Variants in SFT2D2 observed in about 807,000 individuals in gnomAD.
SFT2D2 encodes the protein SFT2 domain containing 2, also known as vesicle transport protein SFT2B.
SFT2D2 carries 21 observed loss-of-function variants against 27.4 expected under a neutral mutation model. The ratio of observed to expected loss-of-function variants is 0.77; its 90% CI spans 0.54 to 1.10. SFT2D2 has a LOEUF of 1.10. Ranked by LOEUF, SFT2D2 falls within the 50% of genes least tolerant of loss-of-function variation. The pLI is 0.00. For missense variants in SFT2D2, 187 were observed against 194.2 expected (o/e 0.96, Z 0.22); for synonymous variants, 72 against 71.7 (o/e 1.00, Z -0.02).
chr1:168,236,533 T>C, intron 4 of SFT2D2, 56 bp from the exon 5 acceptor site: 2 of 1,423,154 alleles, frequency 1.4e-6, no homozygotes, highest in Admixed American at 2.0e-5. Flanking sequence ...AAGTTTTGAG[T>C]TTTTTTTTTC....
rs1169844653 is a variant in SFT2D2, at chr1:168,235,094, C to T, written c.237-7C>T. ...GAACGGCTTGTGTGCGTGTGTTTGC[C>T]TTTTAGTACCATCTTCCTCATGGGA... is the stretch of plus-strand genomic sequence containing the variant. On this transcript the variant is annotated splice_region_variant and splice_polypyrimidine_tract_variant and intron_variant, in intron 3 of 7. Transcript: ENST00000271375. 2 of 1,613,846 alleles carry T rather than the reference C, an allele frequency of 1.2e-6. No homozygotes were observed. Among genetic ancestry groups the T allele is most frequent in the Non-Finnish European group, 1.7e-6 (2 of 1,179,978 alleles).
Position 168,246,026 on chromosome 1 carries a change from G to A in SFT2D2, c.*3486G>A. On this transcript the variant is annotated 3_prime_UTR_variant, in exon 8 of 8. Coordinates refer to ENST00000271375, the MANE Select transcript of SFT2D2 (RefSeq NM_199344.3). ...ACATCTCACTTTCTCAATGGACGCA[G>A]TGACGCAATGAAGCATCCAGCAAAG... The A allele has an allele frequency of 4.7e-6, 1 of 214,550 alleles. No homozygotes were observed. Among genetic ancestry groups the A allele is most frequent in the South Asian group, 6.6e-5 (1 of 15,166 alleles). The allele number at this position is 214,550 out of a possible 1,614,324, so 13.3% of individuals were successfully genotyped here.
rs1286924809 is a variant in SFT2D2 at position 168,231,840 on chromosome 1, G to A, written c.157G>A (p.Val53Ile). The A allele has an allele frequency of 1.2e-6, 2 of 1,614,118 alleles. No individual in the cohort carries two copies. The highest frequency in any genetic ancestry group is 1.1e-5 in the South Asian group (1 of 91,078). ...ACTGTACTTTAAATTCCAGGGTACTGTTCTGCTGTGGGTGCCCAGGAAGGG... is the reference window on the plus strand; with the variant it reads ...ACTGTACTTTAAATTCCAGGGTACTATTCTGCTGTGGGTGCCCAGGAAGGG... Reference protein sequence around the residue: ...IGILCSLLGTVLLWVPRKGLH... With the variant: ...IGILCSLLGTILLWVPRKGLH... The change falls in exon 3 of 8, where the codon GTT becomes ATT. Residue 53 changes from valine to isoleucine, a missense_variant. Val to Ile is a conservative substitution (Grantham distance 29). Coordinates refer to ENST00000271375, the MANE Select transcript of SFT2D2 (RefSeq NM_199344.3).
At chr1:168,235,078 G>A (rs778845776) in intron 3 of SFT2D2, 23 bp from the exon 4 acceptor site, 5 of 1,610,194 alleles carry the variant, frequency 3.1e-6, no homozygotes, top group Non-Finnish European at 3.4e-6. Context: ...TGAACGGCTT[G>A]TGTGCGTGTG....
In SFT2D2 at chr1:168,246,375, C is replaced by T. The variant is rs1028684792; in HGVS notation, c.*3835C>T. On this transcript the variant is annotated 3_prime_UTR_variant, in exon 8 of 8. Transcript: ENST00000271375. ...ACATAATCTTACTTGCTTTTCTGTG[C>T]ATTTTTCTACTTTATCTTGGCCACT... 36 of 584,796 alleles carry T rather than the reference C, an allele frequency of 6.2e-5. No homozygotes were observed. Among genetic ancestry groups the T allele is most frequent in the Non-Finnish European group, 9.5e-5 (34 of 359,434 alleles). The allele number at this position is 584,796 out of a possible 1,614,324, so 36.2% of individuals were successfully genotyped here.
At chr1:168,233,529 A>G (rs1647385515) in intron 3 of SFT2D2, among the ~76,000 whole-genome samples, 1 of 152,210 alleles carries the variant, frequency 6.6e-6, no homozygotes, top group African/African-American at 2.4e-5. Flanking sequence ...GATTGATTGC[A>G]TGATTCTGGC....
Position 168,250,759 on chromosome 1 carries a change from A to C in SFT2D2, c.*8219A>C, listed in dbSNP as rs1483024266. 6.6e-6 allele frequency: 1 copy of C among 152,220 alleles called. No individual in the cohort carries two copies. Among genetic ancestry groups the C allele is most frequent in the Non-Finnish European group, 1.5e-5 (1 of 68,078 alleles). The allele number at this position is 152,220 out of a possible 1,614,324, so 9.4% of individuals were successfully genotyped here. A position where few individuals can be genotyped will look rare whatever the true frequency, so the allele number is the denominator to read the frequency against. ...GCATCCCCTTTTGCAGAAAGGGCTCAAACGGAGCCTTCAGTTCTGCTCCTC... is the reference window on the plus strand; with the variant it reads ...GCATCCCCTTTTGCAGAAAGGGCTCCAACGGAGCCTTCAGTTCTGCTCCTC... On this transcript the variant is annotated 3_prime_UTR_variant, in exon 8 of 8. Coordinates refer to ENST00000271375, the MANE Select transcript of SFT2D2 (RefSeq NM_199344.3).
At chr1:168,229,856 C>CATG (rs1487483293) in intron 1 of SFT2D2, 3 of 152,244 alleles carry the variant, frequency 2.0e-5, no homozygotes, top group Non-Finnish European at 1.5e-5. Flanking sequence ...AGAGCATCAT[C>CATG]ACATGGCTCA....
At position 168,248,377 on chromosome 1, in the gene SFT2D2, A is replaced by G. The variant is rs961337575; in HGVS notation, c.*5837A>G. The G allele has an allele frequency of 2.0e-5, 3 of 152,248 alleles. No individual in the cohort carries two copies. Among genetic ancestry groups the G allele is most frequent in the African/African-American group, 7.2e-5 (3 of 41,450 alleles). The allele number at this position is 152,248 out of a possible 1,614,324, so 9.4% of individuals were successfully genotyped here. On this transcript the variant is annotated 3_prime_UTR_variant, in exon 8 of 8. Coordinates refer to ENST00000271375, the MANE Select transcript of SFT2D2 (RefSeq NM_199344.3). Reference sequence around the variant, plus strand: ...TTTCTCTTGCCTGATTGCCCTGGCCAGAACTTCCAGTACTATGTTGAGTAG... The same window carrying G: ...TTTCTCTTGCCTGATTGCCCTGGCCGGAACTTCCAGTACTATGTTGAGTAG...
At position 168,251,526 on chromosome 1, in the gene SFT2D2, A is replaced by G. The variant is rs1369288635; in HGVS notation, c.*8986A>G. On this transcript the variant is annotated 3_prime_UTR_variant, in exon 8 of 8. Coordinates refer to ENST00000271375, the MANE Select transcript of SFT2D2 (RefSeq NM_199344.3). ...GATTCTATTTTCTATGGGACTGTCT[A>G]CGCCAGGCTTTATTTTCTCTTTGCT... The G allele has an allele frequency of 6.6e-6, 1 of 152,174 alleles. No individual in the cohort carries two copies. Among genetic ancestry groups the G allele is most frequent in the South Asian group, 2.1e-4 (1 of 4,830 alleles). 9.4% of individuals were successfully genotyped at this position (152,174 alleles called of 1,614,324 possible). A position where few individuals can be genotyped will look rare whatever the true frequency, so the allele number is the denominator to read the frequency against.
rs1218205268 is a variant in SFT2D2, at chr1:168,235,157, G to A, written c.293G>A (p.Arg98His). Residue 98 changes from arginine (R) to histidine (H), a missense_variant, in exon 4 of 8, where the codon CGT (arginine) becomes CAT (histidine). Physicochemically the swap from Arg to His is conservative, Grantham distance 29. Transcript: ENST00000271375. ...CTGAAGCGAATGTTTGAGCCTACTC[G>A]TTTGATTGCAACTATCATGGTGCTG... ...KQLKRMFEPT[R>H]LIATIMVLLC... 2.5e-6 allele frequency: 4 copies of A among 1,614,162 alleles called. No homozygotes were observed. The highest frequency in any genetic ancestry group is 1.3e-5 in the African/African-American group (1 of 75,044).
At chr1:168,226,181 C>T (rs1300584872) in intron 1 of SFT2D2, 39 bp downstream of exon 1, 1 of 1,514,254 alleles carries the variant, frequency 6.6e-7, no homozygotes, top group South Asian at 1.3e-5. Flanking sequence ...TCTCGCCGCG[C>T]TCCCGCCCTG....
At position 168,243,307 on chromosome 1, in the gene SFT2D2, T is replaced by G. The variant is rs1466831483; in HGVS notation, c.*767T>G. 35 of 152,092 alleles carry G rather than the reference T, an allele frequency of 2.3e-4. 1 individual carries two copies. Among genetic ancestry groups the G allele is most frequent in the Admixed American group, 2.3e-3 (35 of 15,272 alleles). The allele number at this position is 152,092 out of a possible 1,614,324, so 9.4% of individuals were successfully genotyped here. ...CAGCAGCAGAAAATGCTGCTGTTTT[T>G]TTTTTGGACGAGAGCCCATAGGAGT... On this transcript the variant is annotated 3_prime_UTR_variant, in exon 8 of 8. Transcript: ENST00000271375.
chr1:168,228,331 GA>G (rs1429003453), intron 1 of SFT2D2, among the ~76,000 whole-genome samples: 1 of 152,186 alleles, frequency 6.6e-6, no homozygotes, highest in Admixed American at 6.5e-5. Flanking sequence ...GTGGTAAGTT[GA>G]ATTAGGCGCT....
In SFT2D2 at chr1:168,246,461, G is replaced by A; in HGVS notation, c.*3921G>A. ...GTTTGGTTTAGCTCTCTTTGTATGT[G>A]TTCAAAAACCAAAGCGTTTTCTTTC... is the stretch of plus-strand genomic sequence containing the variant. On this transcript the variant is annotated 3_prime_UTR_variant, in exon 8 of 8. Coordinates refer to ENST00000271375, the MANE Select transcript of SFT2D2 (RefSeq NM_199344.3). The A allele has an allele frequency of 1.5e-6, 2 of 1,303,500 alleles. No homozygotes were observed. The highest frequency in any genetic ancestry group is 2.5e-5 in the Admixed American group (1 of 40,444). 80.7% of individuals were successfully genotyped at this position (1,303,500 alleles called of 1,614,324 possible).
At chr1:168,235,268 C>T (rs1048245087) in intron 4 of SFT2D2, 86 bp downstream of exon 4, 4 of 1,302,064 alleles carry the variant, frequency 3.1e-6, no homozygotes, top group African/African-American at 1.5e-5. Context: ...ATCTAAAGAC[C>T]TCTTCTCTTT....
At chr1:168,238,060 G>C (rs559540808) in intron 6 of SFT2D2, among the ~76,000 whole-genome samples, 1 of 152,058 alleles carries the variant, frequency 6.6e-6, no homozygotes, top group East Asian at 1.9e-4. Flanking sequence ...CATGTGTTCT[G>C]ACTGTGTTTG....
rs911518435 is a variant in SFT2D2, at chr1:168,252,276, A to G, written c.*9736A>G. On this transcript the variant is annotated 3_prime_UTR_variant, in exon 8 of 8. Transcript: ENST00000271375. ...ATTCACAACAAAGTTGTGCCACTAC[A>G]TTTAATAAACAGCCACAAACAACAA... 2 of 152,238 alleles carry G rather than the reference A, an allele frequency of 1.3e-5. No homozygotes were observed. The highest frequency in any genetic ancestry group is 4.8e-5 in the African/African-American group (2 of 41,466). 9.4% of individuals were successfully genotyped at this position (152,238 alleles called of 1,614,324 possible).
At chr1:168,230,491 C>T (rs1647236703) in intron 1 of SFT2D2, among the ~76,000 whole-genome samples, 2 of 152,028 alleles carry the variant, frequency 1.3e-5, no homozygotes, top group South Asian at 2.1e-4. Context: ...CATTTTTTTC[C>T]GAGACAGAGT....
Sources: allele counts gnomAD v4.1 joint callset (sites outside exome capture counted in the v4.1 genomes callset), GRCh38; gene constraint gnomAD v4.1.1; transcripts MANE v1.5; gene names NCBI Gene and HGNC (gene_info 2026-07-23, HGNC 2026-07-21).